Variants in RNF144A observed in about 807,000 individuals in gnomAD.
The protein encoded by RNF144A is E3 ubiquitin-protein ligase RNF144A.
A neutral mutation model predicts 38.7 loss-of-function variants in RNF144A; 11 were observed. The observed-to-expected ratio is 0.28, with a 90% CI of 0.18 to 0.47. The LOEUF (loss-of-function observed/expected upper bound fraction) is 0.47, where lower values mean the gene tolerates loss of function less well. Ranked by LOEUF, RNF144A falls within the 20% of genes least tolerant of loss-of-function variation. The pLI, the probability that RNF144A is intolerant of heterozygous loss-of-function variation, is 0.99. For synonymous variants in RNF144A, 149 were observed against 143.9 expected (o/e 1.04, Z -0.25); for missense variants, 316 against 377.2 (o/e 0.84, Z 1.34).
At chr2:6,998,713 A>G (rs1669914440) in intron 3 of RNF144A, among the ~76,000 whole-genome samples, 1 of 152,198 alleles carries the variant, frequency 6.6e-6, no homozygotes, top group Admixed American at 6.5e-5. Context: ...TAGGAGGGAG[A>G]TTGATCTCCA....
chr2:6,971,776 C>T (rs1668012396), intron 2 of RNF144A, among the ~76,000 whole-genome samples: 2 of 151,552 alleles, frequency 1.3e-5, no homozygotes, highest in Admixed American at 1.3e-4. Context: ...TTGTTTTTGG[C>T]ATGGATTCAA....
At chr2:7,046,208 G>T (rs1047579728), downstream of RNF144A, among the ~76,000 whole-genome samples, 8 of 152,194 alleles carry the variant, frequency 5.3e-5, no homozygotes, top group Non-Finnish European at 1.0e-4. Context: ...GCTCAGCTCA[G>T]CTCATCTCTG....
intron 2 of RNF144A, among the ~76,000 whole-genome samples, chr2:6,955,828 C>G (rs769769291): frequency 1.3e-5 from 2 of 152,082 alleles, no homozygotes; most frequent in Non-Finnish European, 2.9e-5. Context: ...TACTGGTCTT[C>G]TAGATGTTGT....
the RNF144A span, chr2:7,074,535 G>A: frequency 2.0e-5 from 3 of 152,140 alleles, no homozygotes; most frequent in Non-Finnish European, 2.9e-5. Flanking sequence ...ATTTGTTGTA[G>A]TTGTCTTAAA....
chr2:6,940,897 T>C (rs929906979), intron 1 of RNF144A, 51 bp from the exon 2 acceptor site: 2 of 152,424 alleles, frequency 1.3e-5, no homozygotes, highest in Non-Finnish European at 2.9e-5. Flanking sequence ...TGTGCCCTGC[T>C]CCTCTCCTCC....
intron 8 of RNF144A, among the ~76,000 whole-genome samples, chr2:7,034,384 G>A (rs949777147): frequency 2.0e-5 from 3 of 152,204 alleles, no homozygotes; most frequent in African/African-American, 7.2e-5. Flanking sequence ...GCAGCCGTTT[G>A]AGTGGACGCC....
chr2:7,070,325 C>T (rs1674420091), downstream of RNF144A, among the ~76,000 whole-genome samples: 1 of 152,152 alleles, frequency 6.6e-6, no homozygotes, highest in East Asian at 1.9e-4. Flanking sequence ...CTTGTGCCAC[C>T]ACACCCAGCC....
chr2:7,058,017 G>A (rs1054737926), intron 6 of RNF144A, among the ~76,000 whole-genome samples: 2 of 152,198 alleles, frequency 1.3e-5, no homozygotes, highest in Admixed American at 6.5e-5. Flanking sequence ...TCTGACATGT[G>A]CCAGGTGCTT....
intron 8 of RNF144A, among the ~76,000 whole-genome samples, chr2:7,033,147 G>C (rs1438950633): frequency 1.3e-5 from 2 of 152,250 alleles, no homozygotes; most frequent in African/African-American, 4.8e-5. Context: ...CTGTTGCTGG[G>C]TGCCAAGCCT....
chr2:7,055,492 A>G (rs377023338), intron 6 of RNF144A, among the ~76,000 whole-genome samples: 1 of 152,114 alleles, frequency 6.6e-6, no homozygotes, highest in Non-Finnish European at 1.5e-5. Flanking sequence ...CATTCTTGAC[A>G]CTGACCTCTT....
chr2:6,923,944 C>A (rs138560877), intron 1 of RNF144A, among the ~76,000 whole-genome samples: 1 of 152,190 alleles, frequency 6.6e-6, no homozygotes, highest in Non-Finnish European at 1.5e-5. Context: ...CAGTGCCTAT[C>A]ATGCTCTTTC....
At chr2:6,959,940 T>C (rs1417657658) in intron 2 of RNF144A, among the ~76,000 whole-genome samples, 1 of 152,198 alleles carries the variant, frequency 6.6e-6, no homozygotes, top group African/African-American at 2.4e-5. Flanking sequence ...CACTTTGATC[T>C]CAGTCAAGGG....
chr2:7,066,661 G>GA (rs1390575240), intron 6 of RNF144A, among the ~76,000 whole-genome samples: 1 of 152,204 alleles, frequency 6.6e-6, no homozygotes, highest in East Asian at 1.9e-4. Context: ...ACGACTTTAA[G>GA]AAACTAAGGT....
At chr2:7,070,932 GTTTTTT>G (rs138072047), downstream of RNF144A, among the ~76,000 whole-genome samples, 1 of 123,040 alleles carries the variant, frequency 8.1e-6, no homozygotes, top group Admixed American at 8.4e-5. Flanking sequence ...GCTTTGCTGA[GTTTTTT>G]TTTTTTTTTT....
intron 3 of RNF144A, 30 bp downstream of exon 3, chr2:6,997,091 C>A (rs543431151): frequency 6.2e-7 from 1 of 1,609,044 alleles, no homozygotes; most frequent in African/African-American, 1.3e-5. Flanking sequence ...ATATATGTTA[C>A]AGTGATTTTA....
chr2:6,989,184 G>A (rs1001223799), intron 2 of RNF144A, among the ~76,000 whole-genome samples: 1 of 152,126 alleles, frequency 6.6e-6, no homozygotes, highest in African/African-American at 2.4e-5. Context: ...TACACTAACC[G>A]GTGTGTGCAC....
At position 7,025,363 on chromosome 2, in the gene RNF144A, G is replaced by A. The variant is rs138971566; in HGVS notation, c.657+847G>A. Among the ~76,000 whole-genome samples the A allele has an allele frequency of 2.7e-3, 412 of 152,272 alleles. 4 individuals carry two copies. The highest frequency in any genetic ancestry group is 9.7e-3 in the African/African-American group (403 of 41,552). ...GATTTTAGTTTTAGAATAATTTATT[G>A]ATGCATACTTTTTTAAGAACTATAA... On this transcript the variant is annotated intron_variant, in intron 7 of 8. Coordinates refer to ENST00000320892, the MANE Select transcript of RNF144A (RefSeq NM_014746.6).
intron 8 of RNF144A, among the ~76,000 whole-genome samples, chr2:7,037,790 C>T (rs1474661081): frequency 4.6e-5 from 7 of 152,162 alleles, no homozygotes; most frequent in Non-Finnish European, 8.8e-5. Flanking sequence ...CTGATAATGG[C>T]CCGTAAAGAT....
intron 2 of RNF144A, among the ~76,000 whole-genome samples, chr2:6,947,976 C>T (rs1666446174): frequency 6.6e-6 from 1 of 152,220 alleles, no homozygotes; most frequent in African/African-American, 2.4e-5. Context: ...CACATGTTAG[C>T]TACGGGCTAA....
Sources: gnomAD v4.1 joint callset for allele counts (sites outside exome capture counted in the v4.1 genomes callset) on GRCh38, gnomAD v4.1.1 for gene constraint, MANE v1.5 for transcripts, NCBI Gene and HGNC (gene_info 2026-07-23, HGNC 2026-07-21) for gene names.